The following ZC3H7A variants were observed in gnomAD, a reference collection of about 807,000 sequenced individuals.
The protein encoded by ZC3H7A is zinc finger CCCH-type containing 7A.
ZC3H7A carries 44 observed loss-of-function variants against 125.5 expected under a neutral mutation model. The observed-to-expected ratio is 0.35, with a 90% CI of 0.28 to 0.45. ZC3H7A has a LOEUF of 0.45. Ranked by LOEUF, ZC3H7A falls within the 20% of genes least tolerant of loss-of-function variation. The pLI is 1.00. For synonymous variants in ZC3H7A, 399 were observed against 391.2 expected (o/e 1.02, Z -0.23); for missense variants, 977 against 1,170.7 (o/e 0.83, Z 2.41).
At chr16:11,776,414 CA>C in intron 6 of ZC3H7A, 37 bp downstream of exon 6, 1 of 1,600,342 alleles carries the variant, frequency 6.2e-7, no homozygotes. Flanking sequence ...AGTTCTAAAA[CA>C]AAATGAAAAC....
At chr16:11,752,417 T>C (rs895309980) in intron 22 of ZC3H7A, among the ~76,000 whole-genome samples, 14 of 152,238 alleles carry the variant, frequency 9.2e-5, no homozygotes, top group African/African-American at 3.4e-4. Context: ...TGCTTCTCTA[T>C]TCAATTATCC....
At chr16:11,784,898 C>T (rs1418874929) in intron 1 of ZC3H7A, among the ~76,000 whole-genome samples, 1 of 147,580 alleles carries the variant, frequency 6.8e-6, no homozygotes, top group Non-Finnish European at 1.5e-5. Flanking sequence ...GTGGCTCATG[C>T]CTGTAATCCC....
At chr16:11,790,626 G>A (rs1044272023) in intron 1 of ZC3H7A, among the ~76,000 whole-genome samples, 14 of 151,412 alleles carry the variant, frequency 9.2e-5, no homozygotes, top group Non-Finnish European at 1.8e-4. Context: ...TGCAACCTCC[G>A]CCTCCCAGGT....
At chr16:11,761,644 G>A in intron 18 of ZC3H7A, 133 bp from the exon 19 acceptor site, 1 of 933,616 alleles carries the variant, frequency 1.1e-6, no homozygotes, top group East Asian at 2.5e-5. Context: ...AATACCTTAT[G>A]ATTCTGTATT....
At chr16:11,769,589 T>C (rs1339122113) in intron 10 of ZC3H7A, among the ~76,000 whole-genome samples, 1 of 150,336 alleles carries the variant, frequency 6.7e-6, no homozygotes, top group African/African-American at 2.5e-5. Context: ...CAGGCGCCTG[T>C]AATCCCAGCT....
At chr16:11,792,772 G>C (rs1046097238) in intron 1 of ZC3H7A, among the ~76,000 whole-genome samples, 2 of 152,230 alleles carry the variant, frequency 1.3e-5, no homozygotes, top group Non-Finnish European at 2.9e-5. Flanking sequence ...AAGCCTGAGA[G>C]CCTATCCACC....
At chr16:11,754,337 T>TAA (rs1265471744) in intron 21 of ZC3H7A, among the ~76,000 whole-genome samples, 1 of 116,406 alleles carries the variant, frequency 8.6e-6, no homozygotes, top group Non-Finnish European at 1.8e-5. Context: ...TATATATATA[T>TAA]AATAAAATAA....
chr16:11,785,159 AAAAT>A (rs1407392257), intron 1 of ZC3H7A, among the ~76,000 whole-genome samples: 1 of 152,078 alleles, frequency 6.6e-6, no homozygotes, highest in African/African-American at 2.4e-5. Context: ...ATTCCATCTC[AAAAT>A]AAATAAATAA....
rs2052585912 is a variant in ZC3H7A at position 11,753,501 on chromosome 16, G to A, written c.2563-669C>T. On this transcript the variant is annotated intron_variant, in intron 21 of 22. Transcript: ENST00000355758. The stretch of plus-strand genomic sequence containing the variant: ...CTGTCATCCAGGCTAGAGTATGGTG[G>A]TGCGATCATAGCTCACTGCAGCCTT... Among the ~76,000 whole-genome samples, 4 of 152,020 alleles carry A rather than the reference G, an allele frequency of 2.6e-5. No individual in the cohort carries two copies. The South Asian group carries it at 6.2e-4, about 24-fold the overall frequency.
chr16:11,770,984 ACGGCTG>A lies in ZC3H7A; in HGVS notation c.904-3_906del. 3 of 1,592,820 alleles carry A rather than the reference ACGGCTG, an allele frequency of 1.9e-6. No homozygotes were observed. Among genetic ancestry groups the A allele is most frequent in the Admixed American group, 3.7e-5 (2 of 54,418 alleles). ...TGAAGGGGTCCTCTGACTAAAGCTG[ACGGCTG>A]CGGAAGAAAAAAAGATGTGATTAAA... On this transcript the variant is annotated splice_acceptor_variant and splice_polypyrimidine_tract_variant and coding_sequence_variant and intron_variant, in exon 10 of 23. Transcript: ENST00000355758. LOFTEE classifies it high-confidence loss of function.
Position 11,765,045 on chromosome 16 carries a change from C to G in ZC3H7A, c.1820+8G>C. The G allele has an allele frequency of 6.6e-7, 1 of 1,524,834 alleles. No homozygotes were observed. The highest frequency in any genetic ancestry group is 8.9e-7 in the Non-Finnish European group (1 of 1,126,122). The allele number at this position is 1,524,834 out of a possible 1,614,324, so 94.5% of individuals were successfully genotyped here. ...TGTCATTACAGAAATTAGAAACTAT[C>G]AACATACTTATTGTCTTCAAACTCA... On this transcript the variant is annotated splice_region_variant and intron_variant, in intron 15 of 22. Coordinates refer to ENST00000355758, the MANE Select transcript of ZC3H7A (RefSeq NM_014153.4). This position sits in a 1 kb window ranked among gnomAD's most constrained non-coding sequence, Gnocchi z 4.8.
intron 8 of ZC3H7A, 43 bp downstream of exon 8, chr16:11,774,937 G>C: frequency 6.2e-7 from 1 of 1,602,940 alleles, no homozygotes; most frequent in Non-Finnish European, 8.5e-7. Context: ...CAGGTACAAA[G>C]CTGGCACTAT....
intron 3 of ZC3H7A, among the ~76,000 whole-genome samples, chr16:11,779,696 G>A (rs947005192): frequency 1.3e-5 from 2 of 152,236 alleles, no homozygotes; most frequent in Non-Finnish European, 2.9e-5. Flanking sequence ...AGGCTTTTGA[G>A]CAGTATTTCC....
Position 11,751,500 on chromosome 16 carries a change from C to T in ZC3H7A, c.2733G>A (p.Met911Ile), listed in dbSNP as rs1208539972. The change falls in exon 23 of 23, where the codon ATG becomes ATA. Residue 911 changes from methionine (M) to isoleucine (I), a missense_variant. Transcript: ENST00000355758. ...TGYFSICDRY[M>I]NGTCPEGNSC... ...TGTTTCCTTCTGGGCAGGTGCCATTCATATACCTGTAAGGAGAAGTCAGCT... is the reference window on the plus strand; with the variant it reads ...TGTTTCCTTCTGGGCAGGTGCCATTTATATACCTGTAAGGAGAAGTCAGCT... 6.2e-7 allele frequency: 1 copy of T among 1,613,572 alleles called. No individual in the cohort carries two copies. Among genetic ancestry groups the T allele is most frequent in the South Asian group, 1.1e-5 (1 of 90,902 alleles).
intron 7 of ZC3H7A, 120 bp downstream of exon 7, chr16:11,776,200 C>T (rs570427192): frequency 1.7e-5 from 16 of 939,940 alleles, no homozygotes; most frequent in East Asian, 1.5e-4. Flanking sequence ...TTGCCAATTA[C>T]GTGTTTGAGG....
chr16:11,763,178 G>A (rs894746009), intron 16 of ZC3H7A: 5 of 257,286 alleles, frequency 1.9e-5, no homozygotes, highest in Non-Finnish European at 3.0e-5. Context: ...TGTGATCCTG[G>A]CCCACTGCAA....
chr16:11,774,990 A>G lies in ZC3H7A; in HGVS notation c.609T>C (p.Asp203=), dbSNP rs1435162023. 6.2e-7 allele frequency: 1 copy of G among 1,614,090 alleles called. No individual in the cohort carries two copies. The highest frequency in any genetic ancestry group is 2.2e-5 in the East Asian group (1 of 44,900). The change falls in exon 8 of 23, where the codon GAT becomes GAC. Residue 203 remains aspartate (D), a synonymous_variant. Transcript: ENST00000355758. The part of the protein sequence containing the change: ...ATKALNHSVE[D]IEPDLLTPRQ... ...TATGTGAAAACATACCTGGCTCAAT[A>G]TCTTCCACAGAATGGTTCAAAGCCT...
chr16:11,766,929 T>A (rs1033846580), intron 13 of ZC3H7A, among the ~76,000 whole-genome samples: 1 of 152,102 alleles, frequency 6.6e-6, no homozygotes, highest in Admixed American at 6.5e-5. Flanking sequence ...ATAAAAAATA[T>A]TAACATCTCA....
At position 11,776,524 on chromosome 16, in the gene ZC3H7A, A is replaced by G; in HGVS notation, c.474T>C (p.His158=). ...CTAGTTCTTGAGTTAGTTTTATTAC[A>G]TGCTCATCCTGAAAAAAATAAGTAT... ...KCSLAVPQDE[H]VIKLTQELAQ... The change falls in exon 6 of 23, where the codon CAT becomes CAC. Residue 158 remains histidine (H), a synonymous_variant. Transcript: ENST00000355758. 6.2e-7 allele frequency: 1 copy of G among 1,606,614 alleles called. No homozygotes were observed. Among genetic ancestry groups the G allele is most frequent in the Non-Finnish European group, 8.5e-7 (1 of 1,177,684 alleles).
Sources: gnomAD v4.1 joint callset for allele counts (sites outside exome capture counted in the v4.1 genomes callset) on GRCh38, gnomAD v4.1.1 for gene constraint, Gnocchi (gnomAD v3.1) non-coding constraint, MANE v1.5 for transcripts, NCBI Gene and HGNC (gene_info 2026-07-23, HGNC 2026-07-21) for gene names.